The following RBPJ variants were observed in gnomAD, a reference collection of about 807,000 sequenced individuals.
RBPJ encodes recombination signal binding protein for immunoglobulin kappa J region.
A neutral mutation model predicts 67.8 loss-of-function variants in RBPJ; 9 were observed. The ratio of observed to expected loss-of-function variants is 0.13; its 90% CI spans 0.08 to 0.23. RBPJ has a LOEUF of 0.23. RBPJ is among the 10% of genes least tolerant of loss of function. The pLI is 1.00. For missense variants in RBPJ, 305 were observed against 595.6 expected (o/e 0.51, Z 5.08); for synonymous variants, 198 against 203.3 (o/e 0.97, Z 0.22).
intron 1 of RBPJ, among the ~76,000 whole-genome samples, chr4:26,180,603 T>C (rs1193924980): frequency 6.6e-6 from 1 of 152,164 alleles, no homozygotes; most frequent in African/African-American, 2.4e-5. Context: ...AGGGCACTAA[T>C]ACCATTCACG....
At chr4:26,108,958 G>A in the RBPJ span, among the ~76,000 whole-genome samples, 1 of 152,094 alleles carries the variant, frequency 6.6e-6, no homozygotes. Flanking sequence ...TAAAGAGGAT[G>A]GCACAGTGGC....
chr4:26,398,322 G>T (rs1732371846), intron 2 of RBPJ, among the ~76,000 whole-genome samples: 1 of 152,096 alleles, frequency 6.6e-6, no homozygotes, highest in African/African-American at 2.4e-5. Context: ...AATCACAGAG[G>T]TGTGTAAGAG....
chr4:26,159,189 T>C (rs796631963), upstream of RBPJ, among the ~76,000 whole-genome samples: 1 of 152,178 alleles, frequency 6.6e-6, no homozygotes, highest in South Asian at 2.1e-4. Context: ...CTAGACACTT[T>C]CATGTATAAG....
intron 1 of RBPJ, among the ~76,000 whole-genome samples, chr4:26,297,555 G>T (rs1459459769): frequency 6.6e-6 from 1 of 152,042 alleles, no homozygotes; most frequent in Admixed American, 6.6e-5. Context: ...ATAAGTAGCA[G>T]AGGGTAAAAT....
the RBPJ span, among the ~76,000 whole-genome samples, chr4:26,149,614 G>GCT: frequency 4.4e-4 from 67 of 150,674 alleles, no homozygotes; most frequent in Non-Finnish European, 7.9e-4. Flanking sequence ...AGTGAGCTCA[G>GCT]CTCTCTCTCT....
intron 2 of RBPJ, among the ~76,000 whole-genome samples, 188 bp downstream of exon 2, chr4:26,386,579 G>GAT (rs1184426767): frequency 1.3e-5 from 2 of 152,070 alleles, no homozygotes; most frequent in Non-Finnish European, 2.9e-5. Context: ...GGAACAAAAG[G>GAT]ATATAGTTGA....
upstream of RBPJ, among the ~76,000 whole-genome samples, chr4:26,162,755 A>G (rs1024973572): frequency 3.9e-5 from 6 of 152,210 alleles, no homozygotes; most frequent in African/African-American, 1.4e-4. Context: ...CAGTTCAGAA[A>G]CCATCTGAAG....
chr4:26,352,569 G>A (rs1423683520), intron 1 of RBPJ, among the ~76,000 whole-genome samples: 1 of 152,228 alleles, frequency 6.6e-6, no homozygotes. Context: ...GGAGGCCGAG[G>A]TGGGTGCATC....
intron 1 of RBPJ, among the ~76,000 whole-genome samples, chr4:26,257,416 A>T (rs1210374634): frequency 1.3e-5 from 2 of 152,240 alleles, no homozygotes; most frequent in African/African-American, 4.8e-5. Context: ...GATCACCGGA[A>T]GTTGGAAGTT....
At chr4:26,185,436 A>G (rs1445405948) in intron 1 of RBPJ, among the ~76,000 whole-genome samples, 1 of 152,182 alleles carries the variant, frequency 6.6e-6, no homozygotes, top group Non-Finnish European at 1.5e-5. Flanking sequence ...CTGCAAAGGA[A>G]ATCGTAAGAG....
At chr4:26,389,220 C>A (rs578197358) in intron 2 of RBPJ, among the ~76,000 whole-genome samples, 27 of 150,690 alleles carry the variant, frequency 1.8e-4, no homozygotes, top group African/African-American at 6.6e-4. Context: ...CAGAGTGAGA[C>A]CCCATCTAAA....
At chr4:26,113,353 G>T in the RBPJ span, 1 of 539,782 alleles carries the variant, frequency 1.9e-6, no homozygotes, top group Non-Finnish European at 3.6e-6. Context: ...AAACCTTGTG[G>T]GAGAAGTCAA....
chr4:26,132,779 G>A, the RBPJ span, among the ~76,000 whole-genome samples: 242 of 152,234 alleles, frequency 1.6e-3, no homozygotes, highest in Admixed American at 3.0e-3. Flanking sequence ...TTTCTCTGGG[G>A]CCTCTTTTCT....
upstream of RBPJ, among the ~76,000 whole-genome samples, chr4:26,159,491 A>G (rs184596743): frequency 4.3e-4 from 65 of 152,346 alleles, no homozygotes; most frequent in Non-Finnish European, 6.9e-4. Flanking sequence ...AGTACTTCCC[A>G]AAGAACAACT....
the RBPJ span, among the ~76,000 whole-genome samples, chr4:26,130,950 CG>C: frequency 6.6e-6 from 1 of 152,164 alleles, no homozygotes; most frequent in Non-Finnish European, 1.5e-5. Context: ...TACATTTCGG[CG>C]TGGAATGTGA....
At chr4:26,250,222 A>G (rs1319841416) in intron 1 of RBPJ, among the ~76,000 whole-genome samples, 1 of 151,822 alleles carries the variant, frequency 6.6e-6, no homozygotes, top group Non-Finnish European at 1.5e-5. Context: ...TCAATCCCTC[A>G]TGAAGGTAGA....
intron 2 of RBPJ, among the ~76,000 whole-genome samples, chr4:26,393,082 A>G (rs1169326013): frequency 6.6e-6 from 1 of 152,122 alleles, no homozygotes; most frequent in Non-Finnish European, 1.5e-5. Flanking sequence ...CCTGACCTAA[A>G]GTGATCCGCC....
chr4:26,174,302 C>T (rs560059265), intron 1 of RBPJ, among the ~76,000 whole-genome samples: 61 of 152,112 alleles, frequency 4.0e-4, no homozygotes, highest in Admixed American at 1.5e-3. Flanking sequence ...TCTAGAGCTT[C>T]GGGGAGGACT....
At chr4:26,300,084 A>T (rs1008069744) in intron 1 of RBPJ, among the ~76,000 whole-genome samples, 6 of 152,288 alleles carry the variant, frequency 3.9e-5, no homozygotes, top group African/African-American at 1.4e-4. Context: ...AAATTAAAAG[A>T]TTCTTGACTT....
Sources: allele counts gnomAD v4.1 joint callset (sites outside exome capture counted in the v4.1 genomes callset), GRCh38; gene constraint gnomAD v4.1.1; transcripts MANE v1.5; gene names NCBI Gene and HGNC (gene_info 2026-07-23, HGNC 2026-07-21).